Variants in AMMECR1 observed in about 807,000 individuals in gnomAD.
AMMECR1 encodes the protein nuclear protein AMMECR1.
AMMECR1 carries 3 observed loss-of-function variants against 22.5 expected under a neutral mutation model. The ratio of observed to expected loss-of-function variants is 0.13; its 90% CI spans 0.06 to 0.35. AMMECR1 has a LOEUF of 0.35. Ranked by LOEUF, AMMECR1 falls within the 10% of genes least tolerant of loss-of-function variation. The probability of loss-of-function intolerance (pLI) is 1.00; values close to 1 mark genes in which losing one functional copy is unlikely to be tolerated. For synonymous variants in AMMECR1, 130 were observed against 116.7 expected, an observed-to-expected ratio of 1.11 and a Z score of -0.74; for missense variants, 235 against 278.7, an observed-to-expected ratio of 0.84 and a Z score of 1.12.
At chrX:110,203,430 C>T (rs1055835934) in intron 3 of AMMECR1, among the ~76,000 whole-genome samples, 2 of 111,641 alleles carry the variant, frequency 1.8e-5, no homozygotes, top group Admixed American at 9.5e-5. Flanking sequence ...TCATATCTCA[C>T]ATAGAATAGT....
At chrX:110,225,547 C>A (rs147459245) in intron 2 of AMMECR1, among the ~76,000 whole-genome samples, 136 of 112,189 alleles carry the variant, frequency 1.2e-3, no homozygotes, top group African/African-American at 4.0e-3. Context: ...TTGGAATATC[C>A]CTTATTCAAA....
At chrX:110,214,653 T>A (rs2067464304) in intron 3 of AMMECR1, among the ~76,000 whole-genome samples, 2 of 112,107 alleles carry the variant, frequency 1.8e-5, no homozygotes, top group South Asian at 7.5e-4. Context: ...CCCTTTTTCC[T>A]TCCCCCAAAA....
chrX:110,424,794 A>G (rs2068742752), intron 2 of AMMECR1, among the ~76,000 whole-genome samples: 2 of 112,174 alleles, frequency 1.8e-5, no homozygotes, highest in African/African-American at 6.5e-5. Flanking sequence ...AGGATCAAGA[A>G]GGCTCTGCCA....
intron 2 of AMMECR1, among the ~76,000 whole-genome samples, chrX:110,362,294 C>A (rs865829923): frequency 1.3e-3 from 143 of 111,873 alleles, no homozygotes; most frequent in African/African-American, 4.4e-3. Context: ...AAGTTGCTTT[C>A]ATTGCCTGTG....
At chrX:110,240,632 G>C (rs1362702601) in intron 2 of AMMECR1, among the ~76,000 whole-genome samples, 2 of 109,188 alleles carry the variant, frequency 1.8e-5, no homozygotes, top group African/African-American at 6.7e-5. Context: ...ATAATAGTGG[G>C]AGACTTTAAC....
At chrX:110,233,274 T>C (rs747898449) in intron 2 of AMMECR1, among the ~76,000 whole-genome samples, 8 of 111,889 alleles carry the variant, frequency 7.1e-5, no homozygotes, top group African/African-American at 9.7e-5. Flanking sequence ...CTCCCAAGAC[T>C]AAACCAGGAA....
chrX:110,228,690 G>C (rs1005960194), intron 2 of AMMECR1, among the ~76,000 whole-genome samples: 3 of 110,752 alleles, frequency 2.7e-5, no homozygotes, highest in Non-Finnish European at 5.7e-5. Context: ...AGCAGATAAG[G>C]GTGGGGGAGC....
chrX:110,340,063 A>G (rs745311810), intron 2 of AMMECR1, among the ~76,000 whole-genome samples: 1 of 108,912 alleles, frequency 9.2e-6, no homozygotes, highest in South Asian at 4.1e-4. Context: ...AGCCTACCAG[A>G]GATTAAATCC....
intron 2 of AMMECR1, among the ~76,000 whole-genome samples, chrX:110,414,214 C>T (rs1365120326): frequency 8.9e-6 from 1 of 112,384 alleles, no homozygotes; most frequent in Non-Finnish European, 1.9e-5. Context: ...GTTGGTTAGT[C>T]CCACCAGAAA....
At position 110,196,406 on chromosome X, in the gene AMMECR1, T is replaced by G. The variant is rs76491193; in HGVS notation, c.*2114A>C. The G allele has an allele frequency of 0.15, 16,091 of 109,650 alleles. 1,208 individuals are homozygous for G. The highest frequency in any genetic ancestry group is 0.25 in the Middle Eastern group (53 of 215). The allele number at this position is 109,650 out of a possible 1,213,427, so 9.0% of individuals were successfully genotyped here. On this transcript the variant is annotated 3_prime_UTR_variant, in exon 6 of 6. Coordinates refer to ENST00000262844, the MANE Select transcript of AMMECR1 (RefSeq NM_015365.3). ...TTTTTTGTTTTTTGTTTTGTTTTTT[T>G]TTTGTTTGTTTTTTTTTGCAGCAGA...
intron 1 of AMMECR1, among the ~76,000 whole-genome samples, chrX:110,305,064 T>C (rs1421983599): frequency 8.9e-6 from 1 of 112,632 alleles, no homozygotes; most frequent in Non-Finnish European, 1.9e-5. Flanking sequence ...TGTGACTTCA[T>C]TATTTGTTTC....
In AMMECR1 at chrX:110,206,158, C is replaced by G. The variant is rs1420687136; in HGVS notation, c.700-3622G>C. Among the ~76,000 whole-genome samples the G allele has an allele frequency of 1.1e-4, 12 of 111,929 alleles. 1 individual carries two copies. In the Admixed American group the frequency reaches 1.1e-3, roughly 11 times the overall value. On this transcript the variant is annotated intron_variant, in intron 3 of 5. Coordinates refer to ENST00000262844, the MANE Select transcript of AMMECR1 (RefSeq NM_015365.3). The stretch of plus-strand genomic sequence containing the variant: ...TCTCTTGTCCATTTCTCTATTTTTT[C>G]ACTCCTCTATCAGATAGCACGTGGT...
intron 1 of AMMECR1, among the ~76,000 whole-genome samples, chrX:110,436,089 G>A (rs997593044): frequency 3.6e-5 from 4 of 112,598 alleles, no homozygotes; most frequent in African/African-American, 1.3e-4. Context: ...ATGAAGAATC[G>A]CTGTGCGTTT....
chrX:110,253,541 T>TA (rs1250179171), intron 2 of AMMECR1, among the ~76,000 whole-genome samples: 3 of 112,925 alleles, frequency 2.7e-5, no homozygotes, highest in Non-Finnish European at 3.7e-5. Flanking sequence ...TGTAGGCTTT[T>TA]AAAAAAATAT....
chrX:110,221,257 T>A (rs1399276449), intron 2 of AMMECR1, among the ~76,000 whole-genome samples: 1 of 111,844 alleles, frequency 8.9e-6, no homozygotes, highest in Non-Finnish European at 1.9e-5. Flanking sequence ...ATTCTGTCAT[T>A]CCCTGCTAGA....
intron 1 of AMMECR1, among the ~76,000 whole-genome samples, chrX:110,297,575 C>A (rs1396278991): frequency 9.0e-6 from 1 of 111,346 alleles, no homozygotes; most frequent in African/African-American, 3.3e-5. Context: ...TACAACAAAT[C>A]TAACTTTTTT....
chrX:110,429,542 A>G (rs1293192353), intron 1 of AMMECR1, among the ~76,000 whole-genome samples: 1 of 104,167 alleles, frequency 9.6e-6, no homozygotes, highest in African/African-American at 3.7e-5. Flanking sequence ...GTACAGTGGC[A>G]TGCAATCTCG....
intron 2 of AMMECR1, among the ~76,000 whole-genome samples, chrX:110,389,274 G>A (rs1161336991): frequency 8.9e-6 from 1 of 112,605 alleles, no homozygotes; most frequent in East Asian, 2.8e-4. Flanking sequence ...AAGATCCTTC[G>A]TTAACACTTG....
intron 2 of AMMECR1, among the ~76,000 whole-genome samples, chrX:110,338,056 A>G (rs2068147717): frequency 8.9e-6 from 1 of 111,861 alleles, no homozygotes; most frequent in South Asian, 3.7e-4. Context: ...ATTGCCAGGG[A>G]CTGAGGGAAG....
Sources: gnomAD v4.1 joint callset for allele counts (sites outside exome capture counted in the v4.1 genomes callset) on GRCh38, gnomAD v4.1.1 for gene constraint, MANE v1.5 for transcripts, NCBI Gene and HGNC (gene_info 2026-07-23, HGNC 2026-07-21) for gene names.